FAM133B: variants seen among roughly 807,000 people sequenced by gnomAD.
The protein encoded by FAM133B is family with sequence similarity 133 member B, also known as protein FAM133B.
FAM133B carries 25 observed loss-of-function variants against 46.4 expected under a neutral mutation model. The observed-to-expected ratio is 0.54, with a 90% CI of 0.39 to 0.75. FAM133B has a LOEUF of 0.75. Among genes scored for constraint, FAM133B ranks in the 30% least tolerant of loss-of-function variants. The pLI, the probability that FAM133B is intolerant of heterozygous loss-of-function variation, is 0.00. For synonymous variants in FAM133B, 75 were observed against 86.0 expected, an observed-to-expected ratio of 0.87 and a Z score of 0.71; for missense variants, 205 against 277.6, an observed-to-expected ratio of 0.74 and a Z score of 1.86.
At chr7:92,579,166 A>C in intron 3 of FAM133B, 151 bp downstream of exon 3, 1 of 620,424 alleles carries the variant, frequency 1.6e-6, no homozygotes, top group Non-Finnish European at 2.8e-6. Context: ...AATGGAGACA[A>C]GGGCGGCGGG....
chr7:92,590,068 AAG>A (rs1795152919), intron 1 of FAM133B, 198 bp downstream of exon 1: 1 of 661,984 alleles, frequency 1.5e-6, no homozygotes. Context: ...AGGGGCGGGC[AAG>A]AGAGAGCTGG....
intron 5 of FAM133B, 45 bp from the exon 6 acceptor site, chr7:92,577,762 G>A: frequency 6.7e-7 from 1 of 1,486,056 alleles, no homozygotes; most frequent in South Asian, 1.3e-5. Context: ...ATGCGAGAAT[G>A]TTTTTCTTTT....
intron 7 of FAM133B, 96 bp from the exon 8 acceptor site, chr7:92,575,917 T>C (rs938175223): frequency 1.0e-5 from 5 of 501,032 alleles, no homozygotes; most frequent in Non-Finnish European, 1.4e-5. Flanking sequence ...GCTCTATGAC[T>C]GAAAAAAGGC....
At chr7:92,568,252 A>G (rs992886806) in intron 9 of FAM133B, among the ~76,000 whole-genome samples, 1 of 151,974 alleles carries the variant, frequency 6.6e-6, no homozygotes, top group Non-Finnish European at 1.5e-5. Flanking sequence ...GGATTTTAAG[A>G]TATACTGTAA....
chr7:92,584,969 C>T (rs1490086958), intron 1 of FAM133B, among the ~76,000 whole-genome samples: 3 of 149,996 alleles, frequency 2.0e-5, no homozygotes, highest in African/African-American at 7.5e-5. Flanking sequence ...AGAGACCAAT[C>T]TTGTCTCTAC....
Position 92,590,161 on chromosome 7 carries a change from C to T in FAM133B, c.24+107G>A, listed in dbSNP as rs796850557. ...GGTGCTGGGTCTCCAGGCCCCACGT[C>T]TGAGGGCTGCCGCTTGCCCTCCGGC... On this transcript the variant is annotated intron_variant, in intron 1 of 10. Coordinates refer to ENST00000445716, the MANE Select transcript of FAM133B (RefSeq NM_152789.4). 5.2e-5 allele frequency: 82 copies of T among 1,575,456 alleles called. No individual in the cohort carries two copies. In the African/African-American group the frequency reaches 6.7e-4, roughly 13 times the overall value.
At position 92,569,830 on chromosome 7, in the gene FAM133B, A is replaced by G. The variant is rs775225460; in HGVS notation, c.602T>C (p.Ile201Thr). ...ATTTGATCATATACTTACCTCCTCA[A>G]TATACTCTGATTCTGACAAGGACTC... ...SSESLSESEY[I>T]EEVRAKKKKS... Residue 201 changes from isoleucine (I) to threonine (T), a missense_variant, in exon 9 of 11, where the codon ATT becomes ACT. By Grantham distance (89) the Ile-to-Thr change is moderately conservative. Transcript: ENST00000445716. 1.4e-6 allele frequency: 2 copies of G among 1,419,900 alleles called. No homozygotes were observed. The highest frequency in any genetic ancestry group is 1.6e-5 in the South Asian group (1 of 62,726). The allele number at this position is 1,419,900 out of a possible 1,614,324, so 88.0% of individuals were successfully genotyped here.
intron 1 of FAM133B, chr7:92,589,938 A>C: frequency 2.4e-6 from 1 of 423,076 alleles, no homozygotes; most frequent in Non-Finnish European, 4.3e-6. Context: ...TGGCGGGGCC[A>C]GGTGTGGGGG....
rs1189730760 is a variant in FAM133B at position 92,578,198 on chromosome 7, A to G, written c.277-16T>C. Reference sequence around the variant, plus strand: ...TTTTCTTTCTCTAAATGGAAACAAAAGTACAAGTCTAAATAAGCTGATGTG... The same window carrying G: ...TTTTCTTTCTCTAAATGGAAACAAAGGTACAAGTCTAAATAAGCTGATGTG... On this transcript the variant is annotated splice_polypyrimidine_tract_variant and intron_variant, in intron 4 of 10. Coordinates refer to ENST00000445716, the MANE Select transcript of FAM133B (RefSeq NM_152789.4). The G allele has an allele frequency of 1.4e-5, 23 of 1,611,686 alleles. No individual in the cohort carries two copies. Among genetic ancestry groups the G allele is most frequent in the Non-Finnish European group, 1.9e-5 (22 of 1,179,018 alleles).
chr7:92,567,089 G>A (rs1198916278), intron 9 of FAM133B, among the ~76,000 whole-genome samples: 3 of 151,990 alleles, frequency 2.0e-5, no homozygotes, highest in Non-Finnish European at 4.4e-5. Context: ...GTGGTGGCAT[G>A]TGACTGTAGT....
At chr7:92,571,581 T>G (rs1794531765) in intron 8 of FAM133B, among the ~76,000 whole-genome samples, 1 of 152,196 alleles carries the variant, frequency 6.6e-6, no homozygotes, top group Non-Finnish European at 1.5e-5. Flanking sequence ...TGCATTTTCA[T>G]ACATTGAAAT....
chr7:92,564,561 G>A (rs145040251), intron 10 of FAM133B, among the ~76,000 whole-genome samples: 480 of 152,270 alleles, frequency 3.2e-3, no homozygotes, highest in African/African-American at 9.7e-3. Context: ...ATTCGTCATC[G>A]TAGGCTTGGA....
intron 1 of FAM133B, chr7:92,581,840 A>C (rs546917184): frequency 4.9e-6 from 2 of 410,782 alleles, no homozygotes; most frequent in African/African-American, 4.1e-5. Context: ...GTGTTTTACA[A>C]GAGATTTGAT....
chr7:92,586,509 T>C (rs149111504), intron 1 of FAM133B, among the ~76,000 whole-genome samples: 72 of 152,346 alleles, frequency 4.7e-4, no homozygotes, highest in African/African-American at 1.7e-3. Context: ...ATAGAGATTG[T>C]GCAATTTCTT....
At chr7:92,579,457 A>T in intron 2 of FAM133B, 62 bp from the exon 3 acceptor site, 1 of 1,163,958 alleles carries the variant, frequency 8.6e-7, no homozygotes, top group South Asian at 1.4e-5. Flanking sequence ...ATGCTTACAA[A>T]TAAGACAACA....
At chr7:92,574,160 T>C (rs1794621749) in intron 8 of FAM133B, among the ~76,000 whole-genome samples, 1 of 152,170 alleles carries the variant, frequency 6.6e-6, no homozygotes, top group South Asian at 2.1e-4. Flanking sequence ...AATAGCCAAA[T>C]GGTAGAAACA....
At chr7:92,581,823 T>C (rs1794885243) in intron 1 of FAM133B, 1 of 449,428 alleles carries the variant, frequency 2.2e-6, no homozygotes, top group Admixed American at 3.6e-5. Context: ...TGTGTGTGTG[T>C]GTGTGTGTGT....
intron 9 of FAM133B, 67 bp downstream of exon 9, chr7:92,569,756 G>T: frequency 1.3e-6 from 1 of 742,336 alleles, no homozygotes. Flanking sequence ...CTTTTTCTAA[G>T]TCATATTTAT....
At chr7:92,574,644 G>A (rs904148879) in intron 8 of FAM133B, among the ~76,000 whole-genome samples, 6 of 152,010 alleles carry the variant, frequency 3.9e-5, no homozygotes, top group African/African-American at 1.2e-4. Context: ...GGTGGCTCAC[G>A]CCTGTAATCC....
Sources: gnomAD v4.1 joint callset for allele counts (sites outside exome capture counted in the v4.1 genomes callset) on GRCh38, gnomAD v4.1.1 for gene constraint, MANE v1.5 for transcripts, NCBI Gene and HGNC (gene_info 2026-07-23, HGNC 2026-07-21) for gene names.